The following SGCZ variants were observed in gnomAD, a reference collection of about 807,000 sequenced individuals.
The protein encoded by SGCZ is sarcoglycan zeta.
Under a neutral mutation model 41.3 loss-of-function variants are expected in SGCZ, and 40 were observed. The observed-to-expected ratio is 0.97, with a 90% CI of 0.75 to 1.26. SGCZ has a LOEUF of 1.26. Among genes scored for constraint, SGCZ ranks in the 50% most tolerant of loss-of-function variants. The pLI is 0.00. For missense variants in SGCZ, 552 were observed against 369.8 expected, an observed-to-expected ratio of 1.49 and a Z score of -4.04; for synonymous variants, 206 against 137.5, an observed-to-expected ratio of 1.50 and a Z score of -3.49.
intron 2 of SGCZ, among the ~76,000 whole-genome samples, chr8:14,444,746 G>A (rs1457058114): frequency 2.0e-5 from 3 of 151,886 alleles, no homozygotes; most frequent in South Asian, 4.2e-4. Context: ...ACACCCGCAT[G>A]GCACATGTAT....
At chr8:14,220,827 A>G (rs1485634195) in intron 4 of SGCZ, among the ~76,000 whole-genome samples, 1 of 151,660 alleles carries the variant, frequency 6.6e-6, no homozygotes, top group Non-Finnish European at 1.5e-5. Flanking sequence ...GACCTTAAAA[A>G]AAGATTGTAG....
At chr8:14,188,430 G>GA (rs34728371) in intron 4 of SGCZ, among the ~76,000 whole-genome samples, 28,706 of 152,080 alleles carry the variant, frequency 0.19, 3,614 homozygotes, top group Non-Finnish European at 0.28. Context: ...TATGTTTGGT[G>GA]AAAAAACCCA....
chr8:14,117,797 A>C (rs1802570886), intron 5 of SGCZ, among the ~76,000 whole-genome samples: 1 of 151,092 alleles, frequency 6.6e-6, no homozygotes. Context: ...ATGTGTTCTC[A>C]TTGTTCAATT....
At chr8:14,127,954 G>GTTGT (rs1321065690) in intron 5 of SGCZ, among the ~76,000 whole-genome samples, 1 of 152,136 alleles carries the variant, frequency 6.6e-6, no homozygotes, top group Non-Finnish European at 1.5e-5. Flanking sequence ...CAAAGTGTCT[G>GTTGT]TTGTTTCCTT....
chr8:14,268,841 T>C (rs1465749893), intron 3 of SGCZ, among the ~76,000 whole-genome samples: 2 of 151,916 alleles, frequency 1.3e-5, no homozygotes, highest in East Asian at 3.8e-4. Context: ...TCTTGAAGTA[T>C]GTTAAAAACG....
At chr8:14,592,148 G>C (rs1356668302) in intron 1 of SGCZ, among the ~76,000 whole-genome samples, 3 of 152,042 alleles carry the variant, frequency 2.0e-5, no homozygotes, top group African/African-American at 7.2e-5. Context: ...CTATAAATCA[G>C]TTGTTTTTCA....
At chr8:14,202,465 T>G (rs1169629153) in intron 4 of SGCZ, among the ~76,000 whole-genome samples, 8 of 152,134 alleles carry the variant, frequency 5.3e-5, no homozygotes, top group Admixed American at 5.2e-4. Context: ...ATGTACCAAC[T>G]CTTGTCTATT....
intron 1 of SGCZ, among the ~76,000 whole-genome samples, chr8:15,119,201 G>C (rs1328441025): frequency 1.3e-5 from 2 of 152,074 alleles, no homozygotes; most frequent in Non-Finnish European, 2.9e-5. Flanking sequence ...ATATTTTTAT[G>C]ATATCAAACA....
intron 1 of SGCZ, among the ~76,000 whole-genome samples, chr8:14,594,101 G>C (rs1470760608): frequency 6.6e-6 from 1 of 151,778 alleles, no homozygotes; most frequent in Non-Finnish European, 1.5e-5. Context: ...CTTCAGCCCG[G>C]GAGGTGGAGG....
chr8:14,350,853 C>T (rs1394101644), intron 2 of SGCZ, among the ~76,000 whole-genome samples: 9 of 152,150 alleles, frequency 5.9e-5, no homozygotes, highest in Non-Finnish European at 8.8e-5. Context: ...ATTATTGTAT[C>T]GTTTAAACAT....
At chr8:14,802,225 G>C (rs1801343805) in intron 1 of SGCZ, among the ~76,000 whole-genome samples, 1 of 152,114 alleles carries the variant, frequency 6.6e-6, no homozygotes, top group South Asian at 2.1e-4. Context: ...CTTTGCATGG[G>C]AATAAGAAAG....
intron 1 of SGCZ, among the ~76,000 whole-genome samples, chr8:14,683,152 T>C (rs1423521062): frequency 6.6e-6 from 1 of 152,156 alleles, no homozygotes; most frequent in Admixed American, 6.5e-5. Flanking sequence ...ATCTCAATGA[T>C]TCAACAAGGT....
At chr8:14,095,620 T>G (rs1477307094) in intron 7 of SGCZ, among the ~76,000 whole-genome samples, 1 of 152,154 alleles carries the variant, frequency 6.6e-6, no homozygotes, top group Admixed American at 6.6e-5. Context: ...TTTAAAGTAG[T>G]TTTTTCCAAT....
At chr8:14,946,522 C>T (rs1023384706) in intron 1 of SGCZ, among the ~76,000 whole-genome samples, 1 of 151,954 alleles carries the variant, frequency 6.6e-6, no homozygotes, top group African/African-American at 2.4e-5. Flanking sequence ...AAGTTATGAA[C>T]CACCAGGCAG....
At position 14,332,905 on chromosome 8, in the gene SGCZ, C is replaced by A. The variant is rs554196881; in HGVS notation, c.235-8701G>T. Among the ~76,000 whole-genome samples the A allele has an allele frequency of 2.0e-3, 289 of 146,744 alleles. 1 individual carries two copies. Among genetic ancestry groups the A allele is most frequent in the African/African-American group, 6.9e-3 (280 of 40,622 alleles). The stretch of plus-strand genomic sequence containing the variant: ...ATATATTATATGTGTGTCTATATAT[C>A]TATACACACATATATATACATATAT... On this transcript the variant is annotated intron_variant, in intron 2 of 7. Transcript: ENST00000382080.
chr8:14,284,923 T>G (rs1800572082), intron 3 of SGCZ, among the ~76,000 whole-genome samples: 1 of 152,188 alleles, frequency 6.6e-6, no homozygotes, highest in Non-Finnish European at 1.5e-5. Flanking sequence ...TCCTGCCACT[T>G]TGTATGTCTA....
intron 1 of SGCZ, among the ~76,000 whole-genome samples, chr8:15,194,255 T>A (rs1294796620): frequency 3.3e-5 from 5 of 150,376 alleles, no homozygotes; most frequent in Non-Finnish European, 5.9e-5. Context: ...GTATAACTCA[T>A]GGAGACTGAA....
chr8:14,187,141 A>C (rs1255830258), intron 4 of SGCZ, among the ~76,000 whole-genome samples: 1 of 152,218 alleles, frequency 6.6e-6, no homozygotes, highest in South Asian at 2.1e-4. Context: ...GTCAGGGAAG[A>C]GGCAAAGGAT....
At chr8:14,182,557 C>G (rs1186196916) in intron 4 of SGCZ, among the ~76,000 whole-genome samples, 1 of 152,064 alleles carries the variant, frequency 6.6e-6, no homozygotes, top group African/African-American at 2.4e-5. Context: ...CCTTCTCAAT[C>G]TGCAGAAGGG....
Sources: gnomAD v4.1 joint callset for allele counts (sites outside exome capture counted in the v4.1 genomes callset) on GRCh38, gnomAD v4.1.1 for gene constraint, MANE v1.5 for transcripts, NCBI Gene and HGNC (gene_info 2026-07-23, HGNC 2026-07-21) for gene names.